Variants in UGT1A6 observed in about 807,000 individuals in gnomAD.
UGT1A6 encodes the protein UDP glucuronosyltransferase family 1 member A6.
A neutral mutation model predicts 44.4 loss-of-function variants in UGT1A6; 32 were observed. The ratio of observed to expected loss-of-function variants is 0.72; its 90% confidence interval spans 0.54 to 0.97. The LOEUF (loss-of-function observed/expected upper bound fraction) is 0.97. Ranked by LOEUF, UGT1A6 falls within the 50% of genes least tolerant of loss-of-function variation. UGT1A6 has a pLI of 0.00. For synonymous variants in UGT1A6, 238 were observed against 248.5 expected (o/e 0.96, Z 0.40); for missense variants, 685 against 661.9 (o/e 1.03, Z -0.38).
In UGT1A6 at chr2:233,693,647, A is replaced by G. The variant is rs1447180794; in HGVS notation, c.643A>G (p.Asn215Asp). 1 of 1,614,068 alleles carries G rather than the reference A, an allele frequency of 6.2e-7. No individual in the cohort carries two copies. The highest frequency in any genetic ancestry group is 1.3e-5 in the African/African-American group (1 of 74,920). ...CCAACGAGTGGCCAACTTCCTTGTTAATTTGTTGGAGCCCTATCTATTTTA... is the reference window on the plus strand; with the variant it reads ...CCAACGAGTGGCCAACTTCCTTGTTGATTTGTTGGAGCCCTATCTATTTTA... Reference protein sequence around the residue: ...FSQRVANFLVNLLEPYLFYCL... With the variant: ...FSQRVANFLVDLLEPYLFYCL... The change falls in exon 1 of 5, where the codon AAT becomes GAT. Residue 215 changes from asparagine (N) to aspartate (D), a missense_variant. Physicochemically the swap from Asn to Asp is conservative, Grantham distance 23 (BLOSUM62 1). Coordinates refer to ENST00000305139, the MANE Select transcript of UGT1A6 (RefSeq NM_001072.4).
intron 1 of UGT1A6, chr2:233,721,835 C>T: frequency 1.9e-6 from 1 of 516,042 alleles, no homozygotes; most frequent in South Asian, 1.4e-5. Context: ...GGCCACCGAC[C>T]TTGTGTCCAG....
rs538578052 is a variant in UGT1A6, at chr2:233,763,857, A to AT, written c.862-3177_862-3176insT. Among the ~76,000 whole-genome samples, 77 of 152,298 alleles carry AT rather than the reference A, an allele frequency of 5.1e-4. 2 individuals carry two copies. In the South Asian group the frequency reaches 0.016, roughly 31 times the overall value. ...AGGGTAAGATAGCAGTGGTTCACAGACAATCGCAATGCTGGGTCTGAGAAA... is the reference window on the plus strand; with the variant it reads ...AGGGTAAGATAGCAGTGGTTCACAGATCAATCGCAATGCTGGGTCTGAGAAA... On this transcript the variant is annotated intron_variant, in intron 1 of 4. Coordinates refer to ENST00000305139, the MANE Select transcript of UGT1A6 (RefSeq NM_001072.4).
chr2:233,753,830 C>T (rs560874978), intron 1 of UGT1A6, among the ~76,000 whole-genome samples: 4 of 152,332 alleles, frequency 2.6e-5, no homozygotes, highest in Non-Finnish European at 4.4e-5. Flanking sequence ...GGGCTGAAGA[C>T]AGTCCTAGTA....
chr2:233,731,447 C>A (rs113893267), intron 1 of UGT1A6, among the ~76,000 whole-genome samples: 5,926 of 152,214 alleles, frequency 0.039, 357 homozygotes, highest in African/African-American at 0.13. Flanking sequence ...TCCCCCACCC[C>A]ACAACAGGCC....
At chr2:233,757,562 GTATATA>G (rs1491042837) in intron 1 of UGT1A6, among the ~76,000 whole-genome samples, 1 of 90,870 alleles carries the variant, frequency 1.1e-5, no homozygotes, top group South Asian at 4.4e-4. Context: ...ATATATATAT[GTATATA>G]TGATATAGCT....
intron 1 of UGT1A6, chr2:233,761,095 C>T (rs765208275): frequency 1.2e-6 from 2 of 1,614,060 alleles, no homozygotes; most frequent in Admixed American, 3.3e-5. Context: ...GCCCATCATG[C>T]CCAATATGGT....
At chr2:233,695,725 A>T (rs148542326) in intron 1 of UGT1A6, among the ~76,000 whole-genome samples, 100 of 152,204 alleles carry the variant, frequency 6.6e-4, no homozygotes, top group African/African-American at 2.2e-3. Flanking sequence ...TTCCAGTTAC[A>T]TTTATGTTGC....
chr2:233,704,855 C>T (rs1453613831), intron 1 of UGT1A6, among the ~76,000 whole-genome samples: 2 of 152,044 alleles, frequency 1.3e-5, no homozygotes, highest in Admixed American at 6.6e-5. Context: ...AGAATAGGGC[C>T]GGGCACGGTG....
At chr2:233,709,407 A>C (rs1575490731) in intron 1 of UGT1A6, among the ~76,000 whole-genome samples, 2 of 152,258 alleles carry the variant, frequency 1.3e-5, no homozygotes, top group South Asian at 2.1e-4. Context: ...ATGGGTGAAC[A>C]CTCAATAAGA....
intron 1 of UGT1A6, among the ~76,000 whole-genome samples, chr2:233,749,475 A>G (rs1280594340): frequency 1.3e-5 from 2 of 151,882 alleles, no homozygotes; most frequent in Non-Finnish European, 2.9e-5. Flanking sequence ...TGTGGCACAG[A>G]TCACTCTTGC....
chr2:233,746,338 A>G (rs1693368906), intron 1 of UGT1A6, among the ~76,000 whole-genome samples: 1 of 151,758 alleles, frequency 6.6e-6, no homozygotes, highest in South Asian at 2.1e-4. Flanking sequence ...GGCAATGGAC[A>G]TGTTTATGTT....
At chr2:233,704,707 C>A (rs545458550) in intron 1 of UGT1A6, among the ~76,000 whole-genome samples, 1 of 152,192 alleles carries the variant, frequency 6.6e-6, no homozygotes, top group African/African-American at 2.4e-5. Flanking sequence ...CATTTCTTAG[C>A]CCAATTTGCC....
At chr2:233,701,168 C>T (rs984714879) in intron 1 of UGT1A6, among the ~76,000 whole-genome samples, 4 of 152,038 alleles carry the variant, frequency 2.6e-5, no homozygotes, top group Non-Finnish European at 4.4e-5. Flanking sequence ...TGAATAGTGC[C>T]GTTATAAACA....
At chr2:233,701,340 TG>T (rs1387825061) in intron 1 of UGT1A6, among the ~76,000 whole-genome samples, 2 of 151,724 alleles carry the variant, frequency 1.3e-5, no homozygotes, top group East Asian at 3.9e-4. Context: ...CCACCAACAG[TG>T]TAAAAGTTCT....
At chr2:233,701,957 A>T (rs1342088901) in intron 1 of UGT1A6, among the ~76,000 whole-genome samples, 1 of 152,218 alleles carries the variant, frequency 6.6e-6, no homozygotes, top group Non-Finnish European at 1.5e-5. Context: ...GAGCAAACAC[A>T]TTCAAAAGCT....
chr2:233,733,382 G>A (rs1164801978), intron 1 of UGT1A6, among the ~76,000 whole-genome samples: 3 of 152,128 alleles, frequency 2.0e-5, no homozygotes, highest in African/African-American at 7.2e-5. Context: ...TCCTTGTTTT[G>A]TGCCAGTTTT....
chr2:233,708,956 T>C (rs1167417954), intron 1 of UGT1A6, among the ~76,000 whole-genome samples: 1 of 152,154 alleles, frequency 6.6e-6, no homozygotes, highest in African/African-American at 2.4e-5. Flanking sequence ...CATTTATATG[T>C]TTCCATTTCT....
chr2:233,712,255 A>C (rs549632113), intron 1 of UGT1A6, among the ~76,000 whole-genome samples: 13 of 152,356 alleles, frequency 8.5e-5, no homozygotes, highest in South Asian at 2.1e-4. Flanking sequence ...GTTGTCTTGC[A>C]CATGTGTGCT....
intron 1 of UGT1A6, among the ~76,000 whole-genome samples, chr2:233,694,626 C>T (rs2075230787): frequency 6.6e-6 from 1 of 152,172 alleles, no homozygotes; most frequent in Non-Finnish European, 1.5e-5. Context: ...ATCTTTTATG[C>T]CTCAATTTTC....
Sources: allele counts gnomAD v4.1 joint callset (sites outside exome capture counted in the v4.1 genomes callset), GRCh38; gene constraint gnomAD v4.1.1; transcripts MANE v1.5; gene names NCBI Gene and HGNC (gene_info 2026-07-23, HGNC 2026-07-21).